The following GDPD4 variants were observed in gnomAD, a reference collection of about 807,000 sequenced individuals.
GDPD4 encodes the protein glycerophosphodiester phosphodiesterase domain containing 4, also known as glycerophosphodiester phosphodiesterase 6.
A neutral mutation model predicts 67.8 loss-of-function variants in GDPD4; 60 were observed. That is an observed-to-expected ratio of 0.88 (90% CI 0.72 to 1.10). The LOEUF (loss-of-function observed/expected upper bound fraction) is 1.10. Among genes scored for constraint, GDPD4 ranks in the 50% least tolerant of loss-of-function variants. The probability of loss-of-function intolerance (pLI) is 0.00; values close to 1 mark genes in which losing one functional copy is unlikely to be tolerated. For synonymous variants in GDPD4, 212 were observed against 210.9 expected (o/e 1.00, Z -0.04); for missense variants, 623 against 613.9 (o/e 1.01, Z -0.16).
chr11:77,271,966 C>T (rs1344974181), intron 5 of GDPD4, among the ~76,000 whole-genome samples: 1 of 152,184 alleles, frequency 6.6e-6, no homozygotes, highest in Non-Finnish European at 1.5e-5. Flanking sequence ...CCTGCCAGAA[C>T]ACTGTATACT....
intron 1 of GDPD4, among the ~76,000 whole-genome samples, chr11:77,288,375 C>T (rs1960077531): frequency 1.3e-5 from 2 of 152,074 alleles, no homozygotes; most frequent in Admixed American, 6.6e-5. Context: ...AACACCAGTG[C>T]CTGTGTACAC....
rs373177608 is a variant in GDPD4 at position 77,233,065 on chromosome 11, A to G, written c.1349T>C (p.Ile450Thr). 2.7e-5 allele frequency: 44 copies of G among 1,614,136 alleles called. No homozygotes were observed. In the South Asian group the frequency reaches 3.0e-4, roughly 11 times the overall value. Residue 450 changes from isoleucine (I) to threonine (T), a missense_variant, in exon 14 of 17, where the codon ATT (isoleucine) becomes ACT (threonine). Coordinates refer to ENST00000315938, the MANE Select transcript of GDPD4 (RefSeq NM_182833.3). ...GTGATCAAGCTGACTCAGGAGCCCA[A>G]TGTTGTCTGTGGTCACTGAGTTAAT... ...SRINSVTTDN[I>T]GLLSQLDHPH...
chr11:77,260,163 C>T, intron 10 of GDPD4, among the ~76,000 whole-genome samples: 1 of 152,024 alleles, frequency 6.6e-6, no homozygotes, highest in East Asian at 1.9e-4. Flanking sequence ...AAAAATTAGC[C>T]AGGCATGGTG....
At chr11:77,279,232 T>A in intron 4 of GDPD4, 74 bp downstream of exon 4, 1 of 914,780 alleles carries the variant, frequency 1.1e-6, no homozygotes, top group Non-Finnish European at 1.8e-6. Context: ...ACCAACTGGA[T>A]ACTATACCAC....
At chr11:77,295,991 C>T (rs2135898228) in intron 1 of GDPD4, among the ~76,000 whole-genome samples, 1 of 152,132 alleles carries the variant, frequency 6.6e-6, no homozygotes, top group Admixed American at 6.5e-5. Flanking sequence ...GTGGCTCACG[C>T]CTGTAATCCC....
At chr11:77,233,685 G>A (rs555816119) in intron 13 of GDPD4, among the ~76,000 whole-genome samples, 38 of 152,178 alleles carry the variant, frequency 2.5e-4, no homozygotes, top group Admixed American at 1.3e-3. Context: ...CCCCGTACTC[G>A]AATGATCTGC....
intron 2 of GDPD4, chr11:77,286,778 T>C (rs1023349988): frequency 6.6e-6 from 1 of 152,200 alleles, no homozygotes; most frequent in African/African-American, 2.4e-5. Context: ...AAATCACCAC[T>C]AGCTTGACCA....
intron 1 of GDPD4, among the ~76,000 whole-genome samples, chr11:77,298,886 C>A (rs1295436728): frequency 6.6e-6 from 1 of 151,838 alleles, no homozygotes; most frequent in East Asian, 1.9e-4. Context: ...GAAAGAAAAT[C>A]ATGATATATA....
Position 77,235,009 on chromosome 11 carries a change from G to GTTTTTTTTTTTTTTTTTTTTTTTTT in GDPD4, c.1242-1862_1242-1838dup, listed in dbSNP as rs57989259. ...TCTCTCTGCAACCTTGTCAATATCT[G>GTTTTTTTTTTTTTTTTTTTTTTTTT]TTTTTTTTTTTTTTTTTTTTTTTTT... On this transcript the variant is annotated intron_variant, in intron 13 of 16. Coordinates refer to ENST00000315938, the MANE Select transcript of GDPD4 (RefSeq NM_182833.3). Among the ~76,000 whole-genome samples, 52 of 52,258 alleles carry GTTTTTTTTTTTTTTTTTTTTTTTTT rather than the reference G, an allele frequency of 1.0e-3. 8 individuals carry two copies. The highest frequency in any genetic ancestry group is 1.6e-3 in the Admixed American group (6 of 3,756). The allele number at this position is 52,258 out of a possible 152,430, so 34.3% of individuals were successfully genotyped here.
Position 77,243,783 on chromosome 11 carries a change from C to G in GDPD4, c.1152G>C (p.Val384=). 1.2e-6 allele frequency: 2 copies of G among 1,613,364 alleles called. No homozygotes were observed. The highest frequency in any genetic ancestry group is 1.7e-6 in the Non-Finnish European group (2 of 1,179,348). ...VRSVAPGFQH[V]GRLVSIETLA... ...GGGTTTCAATGGATACTAAACGGCCCACATGCTGAAAACCAGGAGCCACGG... is the reference window on the plus strand; with the variant it reads ...GGGTTTCAATGGATACTAAACGGCCGACATGCTGAAAACCAGGAGCCACGG... Residue 384 remains valine (V), a synonymous_variant, in exon 13 of 17, where the codon GTG becomes GTC. Coordinates refer to ENST00000315938, the MANE Select transcript of GDPD4 (RefSeq NM_182833.3).
At chr11:77,272,810 G>A (rs1959278643) in intron 5 of GDPD4, among the ~76,000 whole-genome samples, 1 of 151,734 alleles carries the variant, frequency 6.6e-6, no homozygotes, top group Non-Finnish European at 1.5e-5. Flanking sequence ...GAGTGAATAT[G>A]ATCACGTCAA....
At chr11:77,262,259 T>C (rs1959133910) in intron 10 of GDPD4, among the ~76,000 whole-genome samples, 1 of 152,198 alleles carries the variant, frequency 6.6e-6, no homozygotes, top group Non-Finnish European at 1.5e-5. Context: ...CAAAGCAGTT[T>C]CATTCCTCAA....
intron 7 of GDPD4, among the ~76,000 whole-genome samples, chr11:77,270,338 G>T (rs1395103393): frequency 6.6e-6 from 1 of 152,226 alleles, no homozygotes; most frequent in African/African-American, 2.4e-5. Context: ...TCTGCTGTAA[G>T]TCCTCAGGTA....
Position 77,217,103 on chromosome 11 carries a change from A to AG in GDPD4, c.*173_*174insC, listed in dbSNP as rs1385365406. On this transcript the variant is annotated 3_prime_UTR_variant, in exon 17 of 17. Coordinates refer to ENST00000315938, the MANE Select transcript of GDPD4 (RefSeq NM_182833.3). ...TTGAATCTCATGCTTGCCAGGCTTC[A>AG]AAGGTGTGACAGCATTCTTGATAGG... 12 of 711,402 alleles carry AG rather than the reference A, an allele frequency of 1.7e-5. No individual in the cohort carries two copies. In the Admixed American group the frequency reaches 1.8e-4, roughly 11 times the overall value. 44.1% of individuals were successfully genotyped at this position (711,402 alleles called of 1,614,324 possible). A position where few individuals can be genotyped will look rare whatever the true frequency, so the allele number is the denominator to read the frequency against.
At chr11:77,232,839 C>T (rs981671474) in intron 14 of GDPD4, among the ~76,000 whole-genome samples, 186 bp downstream of exon 14, 7 of 152,216 alleles carry the variant, frequency 4.6e-5, no homozygotes, top group African/African-American at 1.7e-4. Flanking sequence ...ATTATAACAA[C>T]ACTAATTTTT....
chr11:77,270,348 A>G (rs1277741227), intron 7 of GDPD4, among the ~76,000 whole-genome samples: 1 of 152,252 alleles, frequency 6.6e-6, no homozygotes, highest in Non-Finnish European at 1.5e-5. Context: ...GTCCTCAGGT[A>G]TGACATGGTC....
chr11:77,249,790 G>A (rs561217074), intron 11 of GDPD4, among the ~76,000 whole-genome samples: 16 of 152,222 alleles, frequency 1.1e-4, no homozygotes, highest in Middle Eastern at 6.8e-3. Context: ...ATCTTTCTAC[G>A]TTTTTTGATG....
intron 16 of GDPD4, among the ~76,000 whole-genome samples, chr11:77,221,626 T>G (rs555984706): frequency 1.3e-5 from 2 of 152,308 alleles, no homozygotes; most frequent in East Asian, 1.9e-4. Context: ...TTCTTTTACA[T>G]TTGCTGAGGA....
intron 3 of GDPD4, among the ~76,000 whole-genome samples, chr11:77,283,589 T>C (rs1461412442): frequency 2.0e-5 from 3 of 151,974 alleles, no homozygotes; most frequent in African/African-American, 7.2e-5. Context: ...AATTCAGAAC[T>C]GGCCCATAAA....
Sources: gnomAD v4.1 joint callset for allele counts (sites outside exome capture counted in the v4.1 genomes callset) on GRCh38, gnomAD v4.1.1 for gene constraint, MANE v1.5 for transcripts, NCBI Gene and HGNC (gene_info 2026-07-23, HGNC 2026-07-21) for gene names.